The following GSE1 variants were observed in gnomAD, a reference collection of about 807,000 sequenced individuals.
GSE1 encodes the protein genetic suppressor element 1.
In GSE1, 32 loss-of-function variants were observed where a neutral mutation model predicts 112.6. The observed-to-expected ratio is 0.28, with a 90% CI of 0.21 to 0.38. The LOEUF (loss-of-function observed/expected upper bound fraction) is 0.38, where lower values mean the gene tolerates loss of function less well. Among genes scored for constraint, GSE1 ranks in the 10% least tolerant of loss-of-function variants. The pLI is 1.00. For missense variants in GSE1, 2,348 were observed against 1,699.2 expected (o/e 1.38, Z -6.71); for synonymous variants, 1,115 against 735.6 (o/e 1.52, Z -8.35).
chr16:85,320,368 C>T (rs72807778), intron 1 of GSE1, among the ~76,000 whole-genome samples: 2,887 of 152,364 alleles, frequency 0.019, 39 homozygotes, highest in Non-Finnish European at 0.027. Flanking sequence ...GTGGAGCAGA[C>T]GCCCAGTTTT....
chr16:85,628,346 C>T (rs1351553109), intron 1 of GSE1, among the ~76,000 whole-genome samples: 1 of 152,244 alleles, frequency 6.6e-6, no homozygotes, highest in Non-Finnish European at 1.5e-5. Context: ...ATGCTGCCCG[C>T]AGGGGACCCC....
At chr16:85,407,889 A>G (rs1446057283) in intron 2 of GSE1, among the ~76,000 whole-genome samples, 4 of 24,320 alleles carry the variant, frequency 1.6e-4, no homozygotes, top group East Asian at 4.0e-3. Context: ...CCTCACCGTT[A>G]CACTCAGGGC....
At chr16:85,480,603 C>T (rs1481968585) in intron 2 of GSE1, among the ~76,000 whole-genome samples, 1 of 152,196 alleles carries the variant, frequency 6.6e-6, no homozygotes, top group African/African-American at 2.4e-5. Flanking sequence ...CCCATCGGAC[C>T]TGTTCCTCTG....
chr16:85,514,285 G>T (rs1484944254), intron 2 of GSE1, among the ~76,000 whole-genome samples: 1 of 149,212 alleles, frequency 6.7e-6, no homozygotes, highest in Non-Finnish European at 1.5e-5. Context: ...TTGAGATTCA[G>T]GGGAGAAGGG....
intron 1 of GSE1, among the ~76,000 whole-genome samples, chr16:85,205,732 C>A (rs1211690076): frequency 6.6e-6 from 1 of 152,176 alleles, no homozygotes; most frequent in Non-Finnish European, 1.5e-5. Context: ...ATGGGCCTGC[C>A]TTGTGGGGAG....
At chr16:85,605,180 C>T (rs1170078772) in intron 1 of GSE1, among the ~76,000 whole-genome samples, 1 of 151,828 alleles carries the variant, frequency 6.6e-6, no homozygotes, top group African/African-American at 2.4e-5. Flanking sequence ...GCCCCACCCG[C>T]TGTCCTGCTC....
chr16:85,611,534 A>G, upstream of GSE1: 2 of 955,688 alleles, frequency 2.1e-6, no homozygotes, highest in Non-Finnish European at 2.5e-6. Flanking sequence ...GTCCGCAGGT[A>G]GGAGCCAGTA....
At chr16:85,598,579 G>A (rs904755457) in intron 1 of GSE1, among the ~76,000 whole-genome samples, 14 of 152,256 alleles carry the variant, frequency 9.2e-5, no homozygotes, top group African/African-American at 2.4e-4. Context: ...CGTAGTGCCC[G>A]GACCCCGGGC....
intron 2 of GSE1, among the ~76,000 whole-genome samples, chr16:85,640,942 G>A (rs1450015832): frequency 6.6e-6 from 1 of 152,208 alleles, no homozygotes; most frequent in East Asian, 1.9e-4. Flanking sequence ...CAGAGCCAAA[G>A]GGGAGCAAGG....
intron 2 of GSE1, among the ~76,000 whole-genome samples, chr16:85,369,938 C>T (rs746076780): frequency 6.6e-6 from 1 of 152,250 alleles, no homozygotes; most frequent in East Asian, 1.9e-4. Flanking sequence ...AGGGTGCATT[C>T]TGCGTCACCC....
intron 2 of GSE1, among the ~76,000 whole-genome samples, chr16:85,415,903 A>G (rs1389551501): frequency 6.6e-6 from 1 of 152,170 alleles, no homozygotes; most frequent in Non-Finnish European, 1.5e-5. Context: ...ACTTCATTGA[A>G]CTTGTGGCGG....
rs1208850361 is a variant in GSE1 at position 85,656,193 on chromosome 16, C to T, written c.990-150C>T. On this transcript the variant is annotated intron_variant, in intron 6 of 15. Transcript: ENST00000253458. Reference sequence around the variant, plus strand: ...GCTTTGATTGTATGGACCTTAAGTTCTTCCTGCACCAGTGAAACCCGGCTC... The same window carrying T: ...GCTTTGATTGTATGGACCTTAAGTTTTTCCTGCACCAGTGAAACCCGGCTC... The T allele has an allele frequency of 3.0e-6, 3 of 988,512 alleles. No homozygotes were observed. The East Asian group carries it at 7.2e-5, about 24-fold the overall frequency. The allele number at this position is 988,512 out of a possible 1,614,324, so 61.2% of individuals were successfully genotyped here.
At chr16:85,474,309 G>A (rs929924443) in intron 2 of GSE1, among the ~76,000 whole-genome samples, 3 of 152,086 alleles carry the variant, frequency 2.0e-5, no homozygotes, top group African/African-American at 7.2e-5. Flanking sequence ...TGATTGTCTT[G>A]TCTTTCTCCC....
chr16:85,364,867 C>T lies in GSE1; in HGVS notation c.2464+7224C>T, dbSNP rs58945126. ...TTCTGCTGGGCGGTTCGTCCATGGTCCCACAGTCCCTGAGACGGCACGGGT... is the reference window on the plus strand; with the variant it reads ...TTCTGCTGGGCGGTTCGTCCATGGTTCCACAGTCCCTGAGACGGCACGGGT... On this transcript the variant is annotated intron_variant, in intron 2 of 2. Coordinates refer to the GSE1 transcript ENST00000637419. Among the ~76,000 whole-genome samples, 1,475 of 152,318 alleles carry T rather than the reference C, an allele frequency of 9.7e-3. 25 individuals carry two copies. Among genetic ancestry groups the T allele is most frequent in the African/African-American group, 0.034 (1,400 of 41,572 alleles).
At chr16:85,282,014 T>C (rs2044871868) in intron 1 of GSE1, among the ~76,000 whole-genome samples, 2 of 151,648 alleles carry the variant, frequency 1.3e-5, no homozygotes, top group Admixed American at 6.6e-5. Flanking sequence ...ATCCTGTGAG[T>C]TGCTATGTTT....
intron 2 of GSE1, among the ~76,000 whole-genome samples, chr16:85,472,414 G>T (rs559602218): frequency 6.6e-6 from 1 of 152,098 alleles, no homozygotes. Context: ...TTCTCCTCCC[G>T]CGGCCTTCTT....
At chr16:85,245,411 C>T (rs1905537868) in intron 1 of GSE1, among the ~76,000 whole-genome samples, 1 of 152,162 alleles carries the variant, frequency 6.6e-6, no homozygotes, top group South Asian at 2.1e-4. Context: ...TGCTGCGTTT[C>T]CACCTGGTCC....
At chr16:85,259,312 C>G (rs1004819492) in intron 1 of GSE1, among the ~76,000 whole-genome samples, 6 of 151,994 alleles carry the variant, frequency 3.9e-5, no homozygotes, top group East Asian at 1.9e-4. Context: ...CCTGGCCCAC[C>G]CTGTGCTCCA....
intron 1 of GSE1, among the ~76,000 whole-genome samples, chr16:85,209,625 C>T (rs542602945): frequency 1.6e-4 from 24 of 152,342 alleles, no homozygotes; most frequent in South Asian, 4.1e-4. Context: ...CCAAGGGTCA[C>T]GCAAGGCCAG....
Sources: allele counts gnomAD v4.1 joint callset (sites outside exome capture counted in the v4.1 genomes callset), GRCh38; gene constraint gnomAD v4.1.1; transcripts MANE v1.5; gene names NCBI Gene and HGNC (gene_info 2026-07-23, HGNC 2026-07-21).